Variants in POU2F3 observed in about 807,000 individuals in gnomAD.
POU2F3 encodes POU class 2 homeobox 3.
Under a neutral mutation model 59.2 loss-of-function variants are expected in POU2F3, and 23 were observed. That is an observed-to-expected ratio of 0.39 (90% confidence interval 0.28 to 0.55). The LOEUF is 0.55. Ranked by LOEUF, POU2F3 falls within the 20% of genes least tolerant of loss-of-function variation. POU2F3 has a pLI of 0.66. For synonymous variants in POU2F3, 190 were observed against 214.6 expected (o/e 0.89, Z 1.00); for missense variants, 473 against 544.5 (o/e 0.87, Z 1.31).
Position 120,309,419 on chromosome 11 carries a change from C to T in POU2F3, c.907-6C>T. The T allele has an allele frequency of 6.2e-7, 1 of 1,611,202 alleles. No individual in the cohort carries two copies. The highest frequency in any genetic ancestry group is 8.5e-7 in the Non-Finnish European group (1 of 1,177,390). ...TGGCCATACTCTGTCCTTTCGGTGC[C>T]TATAGAACCCAAAACCCAGCTCGGA... On this transcript the variant is annotated splice_polypyrimidine_tract_variant and splice_region_variant and intron_variant, in intron 9 of 12. Transcript: ENST00000543440.
At chr11:120,294,557 C>A (rs760034489) in intron 3 of POU2F3, among the ~76,000 whole-genome samples, 12 of 152,254 alleles carry the variant, frequency 7.9e-5, no homozygotes, top group Non-Finnish European at 1.6e-4. Flanking sequence ...TCTATCTCAT[C>A]TTCCAGATCC....
At chr11:120,304,829 C>T (rs921844258) in intron 6 of POU2F3, among the ~76,000 whole-genome samples, 1 of 149,598 alleles carries the variant, frequency 6.7e-6, no homozygotes, top group Non-Finnish European at 1.5e-5. Flanking sequence ...CAGTTATTTG[C>T]TATACATTTA....
chr11:120,310,018 A>C (rs935383047), intron 10 of POU2F3, among the ~76,000 whole-genome samples: 2 of 152,204 alleles, frequency 1.3e-5, no homozygotes, highest in Middle Eastern at 3.2e-3. Flanking sequence ...AAGATCTTGG[A>C]GGACATTGAA....
intron 7 of POU2F3, 111 bp from the exon 8 acceptor site, chr11:120,305,533 A>C: frequency 6.9e-7 from 1 of 1,454,440 alleles, no homozygotes; most frequent in Non-Finnish European, 9.3e-7. Flanking sequence ...ATGGGTGAGC[A>C]CTCAAAGATT....
chr11:120,271,716 C>T (rs981159300), intron 3 of POU2F3, among the ~76,000 whole-genome samples: 1 of 152,138 alleles, frequency 6.6e-6, no homozygotes, highest in Non-Finnish European at 1.5e-5. Flanking sequence ...AGGCCCCTGA[C>T]CCTTGGAACA....
chr11:120,268,468 G>T (rs1218735504), intron 2 of POU2F3, among the ~76,000 whole-genome samples: 1 of 152,080 alleles, frequency 6.6e-6, no homozygotes, highest in Non-Finnish European at 1.5e-5. Context: ...CACCCCCTGA[G>T]TAGCTGGGAC....
At chr11:120,318,090 G>A (rs73578279) in intron 12 of POU2F3, among the ~76,000 whole-genome samples, 15,803 of 152,006 alleles carry the variant, frequency 0.1, 2,391 homozygotes, top group African/African-American at 0.32. Flanking sequence ...GAGAGAAAGA[G>A]GACCATATAA....
Position 120,264,999 on chromosome 11 carries a change from A to G in POU2F3, c.98-4211A>G, listed in dbSNP as rs185190092. On this transcript the variant is annotated intron_variant, in intron 2 of 12. Coordinates refer to ENST00000543440, the MANE Select transcript of POU2F3 (RefSeq NM_014352.4). ...GCAGGAATGACTGGCCAGTTGCCTT[A>G]ATCTGGAGCATTGGGGCCACAGCAG... Among the ~76,000 whole-genome samples the G allele has an allele frequency of 1.0e-3, 152 of 152,310 alleles. 1 individual carries two copies. The Middle Eastern group carries it at 0.01, about 10-fold the overall frequency.
chr11:120,278,414 C>T (rs944064658), intron 3 of POU2F3, among the ~76,000 whole-genome samples: 5 of 152,122 alleles, frequency 3.3e-5, no homozygotes, highest in Non-Finnish European at 5.9e-5. Flanking sequence ...CCAGTGAGAA[C>T]GAGTGACCTT....
At chr11:120,275,702 A>G (rs1341662478) in intron 3 of POU2F3, among the ~76,000 whole-genome samples, 1 of 152,136 alleles carries the variant, frequency 6.6e-6, no homozygotes, top group Non-Finnish European at 1.5e-5. Context: ...TCCTGCCCCA[A>G]AAGCTGAGAA....
intron 3 of POU2F3, among the ~76,000 whole-genome samples, chr11:120,272,405 G>C (rs755153831): frequency 6.6e-6 from 1 of 152,206 alleles, no homozygotes; most frequent in Non-Finnish European, 1.5e-5. Flanking sequence ...CTGGGAGCCA[G>C]AGATTGAGTG....
At chr11:120,253,352 C>A (rs1012188207) in intron 2 of POU2F3, among the ~76,000 whole-genome samples, 2 of 152,018 alleles carry the variant, frequency 1.3e-5, no homozygotes, top group Non-Finnish European at 2.9e-5. Flanking sequence ...CTCCACCTCC[C>A]GGGTTCAAGC....
intron 3 of POU2F3, among the ~76,000 whole-genome samples, chr11:120,290,686 A>G (rs1250870522): frequency 6.6e-5 from 10 of 152,254 alleles, no homozygotes; most frequent in Non-Finnish European, 1.2e-4. Flanking sequence ...AGAATAAATG[A>G]TGGTATATTT....
chr11:120,269,304 G>C, intron 3 of POU2F3, 60 bp downstream of exon 3: 1 of 1,340,570 alleles, frequency 7.5e-7, no homozygotes, highest in Non-Finnish European at 1.1e-6. Flanking sequence ...CACCTATACT[G>C]TCTGGTATGG....
Position 120,302,274 on chromosome 11 carries a change from C to T in POU2F3, c.362-12C>T, listed in dbSNP as rs759695978. The T allele has an allele frequency of 3.2e-6, 5 of 1,587,266 alleles. No homozygotes were observed. In the African/African-American group the frequency reaches 6.7e-5, roughly 21 times the overall value. On this transcript the variant is annotated splice_polypyrimidine_tract_variant and intron_variant, in intron 5 of 12. Transcript: ENST00000543440. ...TATTTGTCTGTTCCTTTGTCCCTCC[C>T]CTTTCACCCAGGTCTGCAGCCAAAT...
intron 3 of POU2F3, among the ~76,000 whole-genome samples, chr11:120,297,699 C>G (rs1458445273): frequency 6.6e-6 from 1 of 152,112 alleles, no homozygotes; most frequent in Non-Finnish European, 1.5e-5. Flanking sequence ...GATCACTATC[C>G]TGTCCTAAAT....
At chr11:120,245,721 A>G (rs1162405819) in intron 1 of POU2F3, among the ~76,000 whole-genome samples, 1 of 152,214 alleles carries the variant, frequency 6.6e-6, no homozygotes. Flanking sequence ...AGGCTGGACC[A>G]GCAGGACTTG....
At chr11:120,236,824 T>G (rs886967849), upstream of POU2F3, 14 of 1,093,774 alleles carry the variant, frequency 1.3e-5, no homozygotes, top group East Asian at 5.1e-5. Context: ...TATACACAGG[T>G]GGGACTTAGA....
chr11:120,276,773 C>T (rs1940345070), intron 3 of POU2F3, among the ~76,000 whole-genome samples: 1 of 152,162 alleles, frequency 6.6e-6, no homozygotes, highest in Non-Finnish European at 1.5e-5. Context: ...GATGCCTGGC[C>T]ACAACAGGCT....
Sources: allele counts gnomAD v4.1 joint callset (sites outside exome capture counted in the v4.1 genomes callset), GRCh38; gene constraint gnomAD v4.1.1; transcripts MANE v1.5; gene names NCBI Gene and HGNC (gene_info 2026-07-23, HGNC 2026-07-21).